Variants in GRIP1 observed in about 807,000 individuals in gnomAD.
GRIP1 encodes glutamate receptor-interacting protein 1.
GRIP1 carries 45 observed loss-of-function variants against 129.9 expected under a neutral mutation model. That is an observed-to-expected ratio of 0.35 (90% confidence interval 0.27 to 0.44). The LOEUF is 0.44. GRIP1 is among the 20% of genes least tolerant of loss of function. The pLI, the probability that GRIP1 is intolerant of heterozygous loss-of-function variation, is 1.00. For missense variants in GRIP1, 1,196 were observed against 1,396.8 expected (o/e 0.86, Z 2.29); for synonymous variants, 530 against 520.8 (o/e 1.02, Z -0.24).
intron 1 of GRIP1, among the ~76,000 whole-genome samples, chr12:66,688,080 A>G (rs956336444): frequency 2.0e-5 from 3 of 152,200 alleles, no homozygotes; most frequent in African/African-American, 7.2e-5. Flanking sequence ...ATATTCCTGG[A>G]GATGCCATTG....
At chr12:66,518,729 T>C (rs1345154254) in intron 5 of GRIP1, among the ~76,000 whole-genome samples, 1 of 152,216 alleles carries the variant, frequency 6.6e-6, no homozygotes, top group Non-Finnish European at 1.5e-5. Context: ...TCACTCCACA[T>C]TTGGACACCA....
chr12:66,665,142 A>C (rs73128826), intron 1 of GRIP1, among the ~76,000 whole-genome samples: 22,079 of 152,034 alleles, frequency 0.15, 1,642 homozygotes, highest in Admixed American at 0.16. Context: ...TCAGTCTCCC[A>C]GGTAACTGGC....
chr12:66,913,103 T>C (rs1320181861), intron 1 of GRIP1, among the ~76,000 whole-genome samples: 1 of 152,158 alleles, frequency 6.6e-6, no homozygotes, highest in African/African-American at 2.4e-5. Flanking sequence ...AGGGCAAAAA[T>C]TGGCCTCAAA....
chr12:66,640,452 T>C (rs1336996346), intron 1 of GRIP1, among the ~76,000 whole-genome samples: 2 of 152,154 alleles, frequency 1.3e-5, no homozygotes, highest in Non-Finnish European at 2.9e-5. Flanking sequence ...AAACTACAAA[T>C]AGATTATATG....
chr12:66,747,417 A>G (rs1189128482), intron 1 of GRIP1, among the ~76,000 whole-genome samples: 1 of 152,244 alleles, frequency 6.6e-6, no homozygotes, highest in East Asian at 1.9e-4. Context: ...CAAGCTACAC[A>G]TCCTTGACAG....
At chr12:66,968,929 G>A (rs558591542) in intron 1 of GRIP1, among the ~76,000 whole-genome samples, 5 of 151,884 alleles carry the variant, frequency 3.3e-5, no homozygotes, top group African/African-American at 1.2e-4. Flanking sequence ...AAATCCCCTC[G>A]GTTTTGCTTA....
intron 1 of GRIP1, among the ~76,000 whole-genome samples, chr12:66,665,821 C>T (rs908791642): frequency 1.3e-5 from 2 of 152,060 alleles, no homozygotes; most frequent in African/African-American, 4.8e-5. Context: ...GATATGCATA[C>T]GTTCTGTTGC....
At chr12:66,715,325 C>A (rs547292960) in intron 1 of GRIP1, among the ~76,000 whole-genome samples, 3 of 152,070 alleles carry the variant, frequency 2.0e-5, no homozygotes, top group African/African-American at 7.2e-5. Context: ...CCAGACAGTG[C>A]TCATGCTGCC....
intron 1 of GRIP1, among the ~76,000 whole-genome samples, chr12:66,764,805 A>G (rs2037580155): frequency 6.6e-6 from 1 of 152,196 alleles, no homozygotes; most frequent in African/African-American, 2.4e-5. Flanking sequence ...TGTTTTGCAA[A>G]GCCACTGCTG....
chr12:66,391,195 C>G lies in GRIP1; in HGVS notation c.2464+1113G>C, dbSNP rs2056571952. 2.6e-5 allele frequency among the ~76,000 whole-genome samples: 4 copies of G among 152,192 alleles called. No individual in the cohort carries two copies. In the South Asian group the frequency reaches 8.3e-4, roughly 32 times the overall value. On this transcript the variant is annotated intron_variant, in intron 19 of 24. Transcript: ENST00000359742. Reference sequence around the variant, plus strand: ...TAACTCAGTGACAAAGCAGCCCTCACACCAATGTGTTCTCTAAACTGTTTA... The same window carrying G: ...TAACTCAGTGACAAAGCAGCCCTCAGACCAATGTGTTCTCTAAACTGTTTA...
At chr12:66,872,916 T>C (rs2040320334) in intron 1 of GRIP1, among the ~76,000 whole-genome samples, 1 of 152,094 alleles carries the variant, frequency 6.6e-6, no homozygotes. Flanking sequence ...GTTCTTTCTG[T>C]TCCAAAATCT....
intron 1 of GRIP1, among the ~76,000 whole-genome samples, chr12:66,602,078 TA>T (rs1013812943): frequency 1.3e-5 from 2 of 152,198 alleles, no homozygotes; most frequent in Non-Finnish European, 2.9e-5. Context: ...TATGGTTTTT[TA>T]ATCAGAAAAG....
At chr12:66,685,031 C>T (rs1468569617) in intron 1 of GRIP1, among the ~76,000 whole-genome samples, 1 of 152,130 alleles carries the variant, frequency 6.6e-6, no homozygotes, top group African/African-American at 2.4e-5. Context: ...CATCATCACC[C>T]TCTTTCTTAA....
intron 1 of GRIP1, among the ~76,000 whole-genome samples, chr12:66,751,534 A>G (rs1422409014): frequency 6.6e-6 from 1 of 152,146 alleles, no homozygotes; most frequent in Non-Finnish European, 1.5e-5. Flanking sequence ...TGCTTAGTTT[A>G]TTTCATTTCT....
At chr12:66,738,243 A>G (rs1234683028) in intron 1 of GRIP1, among the ~76,000 whole-genome samples, 2 of 151,024 alleles carry the variant, frequency 1.3e-5, no homozygotes, top group Non-Finnish European at 3.0e-5. Context: ...TTTTTGAGAC[A>G]GAGTCTCCCT....
At chr12:66,532,168 T>C (rs1196167197) in intron 4 of GRIP1, among the ~76,000 whole-genome samples, 1 of 152,228 alleles carries the variant, frequency 6.6e-6, no homozygotes, top group Non-Finnish European at 1.5e-5. Flanking sequence ...TGACTGCGTT[T>C]TAATACAATT....
intron 13 of GRIP1, among the ~76,000 whole-genome samples, chr12:66,437,720 A>G (rs535905015): frequency 9.9e-5 from 15 of 152,120 alleles, no homozygotes; most frequent in Middle Eastern, 3.2e-3. Flanking sequence ...TGTGCTGGTA[A>G]TTTGACAACT....
chr12:66,423,702 G>A (rs893615758), intron 14 of GRIP1, among the ~76,000 whole-genome samples: 6 of 152,310 alleles, frequency 3.9e-5, no homozygotes, highest in African/African-American at 1.4e-4. Flanking sequence ...TAAATCTCCT[G>A]AAGTTATTAG....
intron 1 of GRIP1, among the ~76,000 whole-genome samples, chr12:66,933,875 T>C (rs1250327989): frequency 1.3e-5 from 2 of 152,208 alleles, no homozygotes; most frequent in Non-Finnish European, 1.5e-5. Context: ...TACATAATAG[T>C]ACTCAGGGAA....
Sources: allele counts gnomAD v4.1 joint callset (sites outside exome capture counted in the v4.1 genomes callset), GRCh38; gene constraint gnomAD v4.1.1; transcripts MANE v1.5; gene names NCBI Gene and HGNC (gene_info 2026-07-23, HGNC 2026-07-21).